RABGAP1L: variants seen among roughly 807,000 people sequenced by gnomAD.
RABGAP1L encodes RAB GTPase activating protein 1 like.
In RABGAP1L, 63 loss-of-function variants were observed where a neutral mutation model predicts 137.7. That is an observed-to-expected ratio of 0.46 (90% CI 0.37 to 0.56). RABGAP1L has a LOEUF of 0.56. RABGAP1L is among the 20% of genes least tolerant of loss of function. RABGAP1L has a pLI of 0.00. For synonymous variants in RABGAP1L, 431 were observed against 433.7 expected (o/e 0.99, Z 0.08); for missense variants, 1,095 against 1,244.0 (o/e 0.88, Z 1.80).
chr1:174,625,596 C>A (rs1434932848), intron 13 of RABGAP1L, among the ~76,000 whole-genome samples: 2 of 152,016 alleles, frequency 1.3e-5, no homozygotes, highest in Non-Finnish European at 2.9e-5. Context: ...ATGCATCTGG[C>A]CTTACAGTCA....
At chr1:174,226,923 C>A (rs12081445) in intron 3 of RABGAP1L, among the ~76,000 whole-genome samples, 1 of 151,832 alleles carries the variant, frequency 6.6e-6, no homozygotes, top group South Asian at 2.1e-4. Flanking sequence ...ATTCCACTTC[C>A]TACTTGTTTA....
intron 15 of RABGAP1L, among the ~76,000 whole-genome samples, chr1:174,696,012 A>G (rs985760099): frequency 3.9e-5 from 6 of 152,066 alleles, no homozygotes; most frequent in Admixed American, 2.0e-4. Flanking sequence ...CACAAGCACT[A>G]GCCACCACAG....
In RABGAP1L at chr1:174,181,332, C is replaced by CTTT. The variant is rs1201957112; in HGVS notation, c.-34+21680_-34+21682dup. Among the ~76,000 whole-genome samples, 34 of 142,860 alleles carry CTTT rather than the reference C, an allele frequency of 2.4e-4. 1 individual carries two copies. The highest frequency in any genetic ancestry group is 2.9e-4 in the Admixed American group (4 of 13,734). The allele number at this position is 142,860 out of a possible 152,430, so 93.7% of individuals were successfully genotyped here. On this transcript the variant is annotated intron_variant, in intron 1 of 25. Coordinates refer to ENST00000681986, the MANE Select transcript of RABGAP1L (RefSeq NM_001366446.1). ...CTAATCATTTTATACAAGGGTCTTTCTTTTTTTCTTTTTTTTTTTTTTTGA... is the reference window on the plus strand; with the variant it reads ...CTAATCATTTTATACAAGGGTCTTTCTTTTTTTTTTCTTTTTTTTTTTTTTTGA...
intron 22 of RABGAP1L, among the ~76,000 whole-genome samples, chr1:174,976,885 A>G (rs970879232): frequency 1.3e-5 from 2 of 152,232 alleles, no homozygotes; most frequent in Admixed American, 1.3e-4. Context: ...ATGCTGCTTC[A>G]TCAGTGTTTT....
intron 11 of RABGAP1L, among the ~76,000 whole-genome samples, chr1:174,319,263 T>C (rs1013708927): frequency 2.0e-5 from 3 of 152,252 alleles, no homozygotes; most frequent in African/African-American, 2.4e-5. Context: ...ACATATTTTA[T>C]TGGATTAATT....
At chr1:174,752,177 A>C in intron 17 of RABGAP1L, 136 bp from the exon 18 acceptor site, 1 of 675,806 alleles carries the variant, frequency 1.5e-6, no homozygotes, top group Non-Finnish European at 2.4e-6. Context: ...TTTAAAAAAA[A>C]ACTCATGGTT....
rs1261165441 is a variant in RABGAP1L at position 174,638,780 on chromosome 1, G to A, written c.1824+1292G>A. 8.2e-5 allele frequency among the ~76,000 whole-genome samples: 12 copies of A among 147,148 alleles called. No homozygotes were observed. The East Asian group carries it at 1.8e-3, about 22-fold the overall frequency. The stretch of plus-strand genomic sequence containing the variant: ...AAACCATCATTCTCAGTAAACTATC[G>A]CAAGAACAAAAAAGCAAACACCGCA... On this transcript the variant is annotated intron_variant, in intron 14 of 25. Coordinates refer to ENST00000681986, the MANE Select transcript of RABGAP1L (RefSeq NM_001366446.1).
intron 7 of RABGAP1L, among the ~76,000 whole-genome samples, chr1:174,253,362 T>G (rs1435216561): frequency 6.6e-6 from 1 of 152,174 alleles, no homozygotes; most frequent in African/African-American, 2.4e-5. Context: ...AAATGTAAAA[T>G]GTACGTATGT....
chr1:174,169,258 C>T (rs376315592), intron 1 of RABGAP1L, among the ~76,000 whole-genome samples: 12 of 151,268 alleles, frequency 7.9e-5, no homozygotes, highest in South Asian at 4.2e-4. Context: ...CTTGCTCTGT[C>T]GCCCAGGCTG....
intron 19 of RABGAP1L, among the ~76,000 whole-genome samples, chr1:174,815,132 C>T (rs189176911): frequency 6.6e-6 from 1 of 152,214 alleles, no homozygotes; most frequent in Non-Finnish European, 1.5e-5. Flanking sequence ...CCCACTGTTC[C>T]TACCACCTCC....
At chr1:174,927,102 C>A (rs1662971172) in intron 19 of RABGAP1L, among the ~76,000 whole-genome samples, 1 of 151,290 alleles carries the variant, frequency 6.6e-6, no homozygotes. Flanking sequence ...GGGGCCATGA[C>A]AATAAGCATC....
At chr1:174,263,016 G>A (rs564545970) in intron 7 of RABGAP1L, among the ~76,000 whole-genome samples, 2 of 152,310 alleles carry the variant, frequency 1.3e-5, no homozygotes, top group East Asian at 3.9e-4. Context: ...ACCCAGCTGT[G>A]CACTCACATG....
intron 13 of RABGAP1L, among the ~76,000 whole-genome samples, chr1:174,488,549 T>A (rs1007936323): frequency 6.6e-6 from 1 of 152,160 alleles, no homozygotes; most frequent in African/African-American, 2.4e-5. Flanking sequence ...TAGCTTCTTG[T>A]ACTTGGATTT....
intron 13 of RABGAP1L, among the ~76,000 whole-genome samples, chr1:174,468,574 C>T (rs554473896): frequency 6.6e-6 from 1 of 152,220 alleles, no homozygotes; most frequent in Admixed American, 6.5e-5. Flanking sequence ...ACAGCGTGGG[C>T]AGATATTTTT....
intron 1 of RABGAP1L, among the ~76,000 whole-genome samples, chr1:174,186,014 A>G (rs529715537): frequency 5.3e-5 from 8 of 152,180 alleles, no homozygotes; most frequent in African/African-American, 1.9e-4. Flanking sequence ...GTGGTGGTGC[A>G]TGCCTGTATT....
chr1:174,505,972 A>C (rs994440935), intron 13 of RABGAP1L, among the ~76,000 whole-genome samples: 1 of 152,248 alleles, frequency 6.6e-6, no homozygotes, highest in Admixed American at 6.5e-5. Context: ...TTAAAAAGTT[A>C]GAAATTCTGT....
intron 13 of RABGAP1L, among the ~76,000 whole-genome samples, chr1:174,437,864 T>G (rs899545701): frequency 1.5e-4 from 23 of 152,266 alleles, no homozygotes; most frequent in Middle Eastern, 3.4e-3. Context: ...GACTAACAGC[T>G]GATCTCTCGG....
At chr1:174,842,929 T>G (rs539723508) in intron 19 of RABGAP1L, among the ~76,000 whole-genome samples, 3 of 152,200 alleles carry the variant, frequency 2.0e-5, no homozygotes, top group Non-Finnish European at 4.4e-5. Flanking sequence ...TTCGAAAGTT[T>G]CTACTGCTGC....
chr1:174,963,117 T>G (rs371178817), intron 20 of RABGAP1L, among the ~76,000 whole-genome samples: 2 of 152,208 alleles, frequency 1.3e-5, no homozygotes. Flanking sequence ...AAAAAATTTT[T>G]TTTCTGCCAT....
Sources: gnomAD v4.1 joint callset for allele counts (sites outside exome capture counted in the v4.1 genomes callset) on GRCh38, gnomAD v4.1.1 for gene constraint, MANE v1.5 for transcripts, NCBI Gene and HGNC (gene_info 2026-07-23, HGNC 2026-07-21) for gene names.